The following MAP3K9 variants were observed in gnomAD, a reference collection of about 807,000 sequenced individuals.
MAP3K9 encodes mitogen-activated protein kinase kinase kinase 9.
MAP3K9 carries 46 observed loss-of-function variants against 95.8 expected under a neutral mutation model. That is an observed-to-expected ratio of 0.48 (90% CI 0.38 to 0.61). MAP3K9 has a LOEUF of 0.61. Among genes scored for constraint, MAP3K9 ranks in the 20% least tolerant of loss-of-function variants. MAP3K9 has a pLI of 0.00. For synonymous variants in MAP3K9, 533 were observed against 593.8 expected, an observed-to-expected ratio of 0.90 and a Z score of 1.49; for missense variants, 1,296 against 1,474.3, an observed-to-expected ratio of 0.88 and a Z score of 1.98.
chr14:70,788,228 T>C (rs1031689290), intron 2 of MAP3K9, among the ~76,000 whole-genome samples: 5 of 152,096 alleles, frequency 3.3e-5, no homozygotes, highest in African/African-American at 1.2e-4. Flanking sequence ...GGAAAGAATA[T>C]GACTAAAACA....
chr14:70,766,339 A>G (rs1218741829), intron 2 of MAP3K9, among the ~76,000 whole-genome samples: 1 of 152,202 alleles, frequency 6.6e-6, no homozygotes, highest in Admixed American at 6.5e-5. Context: ...TAAAGGCGAT[A>G]CAGCAATAAA....
rs369135689 is a variant in MAP3K9, at chr14:70,728,113, C to CTTTTTTTTTTTTTTTTTTTTTTT, written c.*2244_*2266dup. 2 of 63,004 alleles carry CTTTTTTTTTTTTTTTTTTTTTTT rather than the reference C, an allele frequency of 3.2e-5. No homozygotes were observed. Among genetic ancestry groups the CTTTTTTTTTTTTTTTTTTTTTTT allele is most frequent in the South Asian group, 8.9e-4 (1 of 1,118 alleles). 3.9% of individuals were successfully genotyped at this position (63,004 alleles called of 1,614,324 possible). On this transcript the variant is annotated 3_prime_UTR_variant, in exon 12 of 12. Coordinates refer to ENST00000554752, the MANE Select transcript of MAP3K9 (RefSeq NM_001284230.2). Reference sequence around the variant, plus strand: ...CGGGGGAAGGAGGCCACAGAACAGACTTTTTTTTTTTTTTTTTTTTTTTTT... The same window carrying CTTTTTTTTTTTTTTTTTTTTTTT: ...CGGGGGAAGGAGGCCACAGAACAGACTTTTTTTTTTTTTTTTTTTTTTTTTTTTTTTTTTTTTTTTTTTTTTTT...
intron 2 of MAP3K9, chr14:70,783,575 A>C: frequency 5.9e-6 from 1 of 170,072 alleles, no homozygotes. Context: ...GGCTTCACTC[A>C]TTGATAGTCC....
At position 70,809,093 on chromosome 14, in the gene MAP3K9, C is replaced by T. The variant is rs36280; in HGVS notation, c.79G>A (p.Ala27Thr). Reference sequence around the variant, plus strand: ...TCCTCCTCCTCCTCCTCGGCCCCGGCCCCTGCTCCATCCTCCCCCGGCGGG... The same window carrying T: ...TCCTCCTCCTCCTCCTCGGCCCCGGTCCCTGCTCCATCCTCCCCCGGCGGG... ...AAPPGEDGAG[A>T]GAEEEEEEEE... Residue 27 changes from alanine to threonine, a missense_variant, in exon 1 of 12, where the codon GCC becomes ACC. Physicochemically the swap from Ala to Thr is moderately conservative, Grantham distance 58 (BLOSUM62 0). Coordinates refer to ENST00000554752, the MANE Select transcript of MAP3K9 (RefSeq NM_001284230.2). The T allele has an allele frequency of 1.4e-6, 2 of 1,409,556 alleles. No individual in the cohort carries two copies. Among genetic ancestry groups the T allele is most frequent in the Admixed American group, 3.1e-5 (1 of 31,972 alleles). 87.3% of individuals were successfully genotyped at this position (1,409,556 alleles called of 1,614,324 possible).
intron 2 of MAP3K9, among the ~76,000 whole-genome samples, chr14:70,771,694 A>C (rs937045960): frequency 2.6e-5 from 4 of 152,104 alleles, no homozygotes; most frequent in South Asian, 2.1e-4. Context: ...GCCAAGCCCC[A>C]CCATCCATCT....
In MAP3K9 at chr14:70,742,436, C is replaced by G; in HGVS notation, c.1482G>C (p.Glu494Asp). The change falls in exon 6 of 12, where the codon GAG becomes GAC. Residue 494 changes from glutamate (E) to aspartate (D), a missense_variant. Physicochemically the swap from Glu to Asp is conservative, Grantham distance 45. Transcript: ENST00000554752. ...LNIIIHQLCQ[E>D]KPRVKKRKGK... ...CCTTGCGTTTCTTCACCCGGGGCTTCTCCTGGCACAGCTGGTGGATGATGA... is the reference window on the plus strand; with the variant it reads ...CCTTGCGTTTCTTCACCCGGGGCTTGTCCTGGCACAGCTGGTGGATGATGA... 1 of 1,614,238 alleles carries G rather than the reference C, an allele frequency of 6.2e-7. No individual in the cohort carries two copies. The highest frequency in any genetic ancestry group is 8.5e-7 in the Non-Finnish European group (1 of 1,180,038).
In MAP3K9 at chr14:70,808,933, TC is replaced by T; in HGVS notation, c.238del (p.Glu80ArgfsTer20). On this transcript the variant is annotated frameshift_variant, in exon 1 of 12. Coordinates refer to ENST00000554752, the MANE Select transcript of MAP3K9 (RefSeq NM_001284230.2). LOFTEE classifies it high-confidence loss of function. ...CACCTGCGAGTCCTTGGACAGCACC[TC>T]CACCACGTCGCCCAGCCGCAGGGTC... Reference protein sequence around the residue: ...ELTLRLGDVVEVLSKDSQVSG... With the variant: ...ELTLRLGDVVXVLSKDSQVSG... 1 of 1,583,760 alleles carries T rather than the reference TC, an allele frequency of 6.3e-7. No individual in the cohort carries two copies.
At chr14:70,760,129 T>G (rs2054351611) in intron 3 of MAP3K9, among the ~76,000 whole-genome samples, 1 of 119,166 alleles carries the variant, frequency 8.4e-6, no homozygotes, top group African/African-American at 3.3e-5. Flanking sequence ...AGCTATTATT[T>G]AAAATAAACG....
intron 6 of MAP3K9, 110 bp downstream of exon 6, chr14:70,742,241 T>C (rs1317058193): frequency 4.9e-6 from 7 of 1,429,412 alleles, no homozygotes; most frequent in Non-Finnish European, 6.6e-6. Flanking sequence ...GGCTGGAGTT[T>C]GAGCCCCAGG....
chr14:70,783,988 CA>C (rs2054715193), intron 2 of MAP3K9, among the ~76,000 whole-genome samples: 1 of 152,130 alleles, frequency 6.6e-6, no homozygotes, highest in Non-Finnish European at 1.5e-5. Flanking sequence ...TTTGTTTAAA[CA>C]AAAACAAACC....
rs1167191415 is a variant in MAP3K9 at position 70,730,708 on chromosome 14, C to T, written c.2987G>A (p.Arg996His). 3.7e-6 allele frequency: 6 copies of T among 1,613,632 alleles called. No homozygotes were observed. Among genetic ancestry groups the T allele is most frequent in the African/African-American group, 1.3e-5 (1 of 74,844 alleles). ...CAGCCGTTGCCGGTTGGCAGAAGGA[C>T]GCGGCCGAGGCAGAAACTCCAGAGT... ...PKTLEFLPRP[R>H]PSANRQRLDP... is the part of the protein sequence containing the mutation. The change falls in exon 12 of 12, where the codon CGT (arginine) becomes CAT (histidine). Residue 996 changes from arginine (R) to histidine (H), a missense_variant. Coordinates refer to ENST00000554752, the MANE Select transcript of MAP3K9 (RefSeq NM_001284230.2).
At chr14:70,738,775 G>A (rs539925977) in intron 7 of MAP3K9, among the ~76,000 whole-genome samples, 17 of 152,212 alleles carry the variant, frequency 1.1e-4, no homozygotes, top group African/African-American at 2.9e-4. Flanking sequence ...TAAGGAAGGC[G>A]TGGAAATGCA....
intron 1 of MAP3K9, among the ~76,000 whole-genome samples, chr14:70,801,712 C>A (rs544761725): frequency 6.6e-6 from 1 of 152,288 alleles, no homozygotes; most frequent in South Asian, 2.1e-4. Flanking sequence ...GCTCCCACAG[C>A]AGCACAGAGC....
At chr14:70,783,358 C>G (rs553645366) in intron 2 of MAP3K9, 1 of 985,032 alleles carries the variant, frequency 1.0e-6, no homozygotes, top group African/African-American at 1.7e-5. Context: ...TCCACAGCAA[C>G]GCTTCCTCAA....
chr14:70,793,289 C>T (rs1264697162), intron 2 of MAP3K9, among the ~76,000 whole-genome samples: 6 of 152,244 alleles, frequency 3.9e-5, no homozygotes, highest in East Asian at 1.9e-4. Flanking sequence ...GGATTAATAA[C>T]GAATGTACTG....
rs2055032588 is a variant in MAP3K9 at position 70,809,004 on chromosome 14, G to A, written c.168C>T (p.Tyr56=). 2.0e-6 allele frequency: 3 copies of A among 1,534,780 alleles called. No individual in the cohort carries two copies. Among genetic ancestry groups the A allele is most frequent in the Admixed American group, 1.9e-5 (1 of 52,184 alleles). Residue 56 remains tyrosine, a synonymous_variant, in exon 1 of 12, where the codon TAC becomes TAT. Coordinates refer to ENST00000554752, the MANE Select transcript of MAP3K9 (RefSeq NM_001284230.2). ...CCTCGTACTCGAACACGGCCGTCCA[G>A]TAGGGCAGCGGCGCGTCGCAGCCCA... The part of the protein sequence containing the change: ...GELGCDAPLP[Y]WTAVFEYEAA...
intron 2 of MAP3K9, among the ~76,000 whole-genome samples, chr14:70,797,303 T>C (rs1236302653): frequency 6.6e-6 from 1 of 152,076 alleles, no homozygotes; most frequent in Non-Finnish European, 1.5e-5. Context: ...CCCAAGTCTA[T>C]AAAATACAAA....
rs998777620 is a variant in MAP3K9, at chr14:70,742,340, C to T, written c.1567+11G>A. ...CTGCTCCCACTTCCCAGCCAGTCCC[C>T]GGCCACTGACCAGAAGGGAGGCTGA... is the stretch of plus-strand genomic sequence containing the variant. On this transcript the variant is annotated intron_variant, in intron 6 of 11. Transcript: ENST00000554752. 1.4e-5 allele frequency: 22 copies of T among 1,611,676 alleles called. No individual in the cohort carries two copies. Among genetic ancestry groups the T allele is most frequent in the Middle Eastern group, 1.7e-4 (1 of 6,056 alleles).
chr14:70,780,973 C>T (rs1337179636), intron 2 of MAP3K9, among the ~76,000 whole-genome samples: 1 of 152,230 alleles, frequency 6.6e-6, no homozygotes, highest in Non-Finnish European at 1.5e-5. Flanking sequence ...CCAAGCTCTG[C>T]TAGCAGAGTT....
Sources: gnomAD v4.1 joint callset for allele counts (sites outside exome capture counted in the v4.1 genomes callset) on GRCh38, gnomAD v4.1.1 for gene constraint, MANE v1.5 for transcripts, NCBI Gene and HGNC (gene_info 2026-07-23, HGNC 2026-07-21) for gene names.